TIPRL: variants seen among roughly 807,000 people sequenced by gnomAD.
TIPRL encodes the protein TIP41-like protein.
A neutral mutation model predicts 32.3 loss-of-function variants in TIPRL; 10 were observed. The observed-to-expected ratio is 0.31, with a 90% CI of 0.19 to 0.52. TIPRL has a LOEUF of 0.52. Ranked by LOEUF, TIPRL falls within the 20% of genes least tolerant of loss-of-function variation. The probability of loss-of-function intolerance (pLI) is 0.96; values close to 1 mark genes in which losing one functional copy is unlikely to be tolerated. For synonymous variants in TIPRL, 100 were observed against 114.0 expected (o/e 0.88, Z 0.78); for missense variants, 250 against 328.1 (o/e 0.76, Z 1.84).
rs1700205084 is a variant in TIPRL at position 168,201,263 on chromosome 1, C to G, written c.*1217C>G. ...TTTGAAGGGCAGGGGGAAAATTCAC[C>G]CCTTTTCTGATTTGAAATATGTTGT... is the stretch of plus-strand genomic sequence containing the variant. On this transcript the variant is annotated 3_prime_UTR_variant, in exon 7 of 7. Transcript: ENST00000367833. The G allele has an allele frequency of 6.6e-6, 1 of 151,888 alleles. No homozygotes were observed. Among genetic ancestry groups the G allele is most frequent in the East Asian group, 1.9e-4 (1 of 5,182 alleles). The allele number at this position is 151,888 out of a possible 1,614,324, so 9.4% of individuals were successfully genotyped here. A position where few individuals can be genotyped will look rare whatever the true frequency, so the allele number is the denominator to read the frequency against.
chr1:168,180,410 T>G (rs1699945301), intron 1 of TIPRL, among the ~76,000 whole-genome samples: 1 of 152,242 alleles, frequency 6.6e-6, no homozygotes, highest in Middle Eastern at 3.4e-3. Flanking sequence ...GGTCATAAAG[T>G]GAAGATGTGT....
intron 1 of TIPRL, among the ~76,000 whole-genome samples, chr1:168,181,518 C>G (rs1200944977): frequency 6.6e-6 from 1 of 151,040 alleles, no homozygotes; most frequent in Non-Finnish European, 1.5e-5. Flanking sequence ...GGCCTCCTCT[C>G]CATATAACTT....
chr1:168,197,491 C>T (rs959546409), intron 5 of TIPRL, among the ~76,000 whole-genome samples: 9 of 151,912 alleles, frequency 5.9e-5, no homozygotes, highest in African/African-American at 2.2e-4. Flanking sequence ...TATTTTTGTT[C>T]CCCAGAAAGA....
chr1:168,195,823 C>T (rs1464698493), intron 4 of TIPRL, among the ~76,000 whole-genome samples: 1 of 152,142 alleles, frequency 6.6e-6, no homozygotes, highest in Admixed American at 6.5e-5. Flanking sequence ...ATCTTTCCAC[C>T]TCAACCTTCC....
chr1:168,179,804 T>A (rs565835461), intron 1 of TIPRL, among the ~76,000 whole-genome samples: 59 of 150,698 alleles, frequency 3.9e-4, no homozygotes, highest in Non-Finnish European at 7.5e-4. Context: ...TCAGGCAGAG[T>A]GAGTTGTGAT....
chr1:168,196,883 G>A (rs1260732311), intron 5 of TIPRL, among the ~76,000 whole-genome samples: 2 of 152,094 alleles, frequency 1.3e-5, no homozygotes, highest in South Asian at 4.1e-4. Context: ...ATTGGGGAGG[G>A]GTCTTTTGAG....
chr1:168,191,253 C>T (rs1296313216), intron 3 of TIPRL, 116 bp from the exon 4 acceptor site: 1 of 880,680 alleles, frequency 1.1e-6, no homozygotes, highest in Non-Finnish European at 1.6e-6. Context: ...GAACTGTGTG[C>T]TCTGGCTATG....
chr1:168,192,189 C>T (rs1700107111), intron 4 of TIPRL: 2 of 1,481,506 alleles, frequency 1.3e-6, no homozygotes, highest in South Asian at 1.3e-5. Context: ...CATCATTCAA[C>T]TACCACTTCA....
chr1:168,195,974 A>G (rs1700148480), intron 4 of TIPRL, among the ~76,000 whole-genome samples: 1 of 152,198 alleles, frequency 6.6e-6, no homozygotes. Flanking sequence ...GATTCTGCCT[A>G]TCATTAGTAG....
rs1699931029 is a variant in TIPRL, at chr1:168,179,293, C to A, written c.104+112C>A. ...TTTTCCCTGAGGCGGAGGTTCGGTCCCTCCGGACCGGACCTTTGATTGACA... is the reference window on the plus strand; with the variant it reads ...TTTTCCCTGAGGCGGAGGTTCGGTCACTCCGGACCGGACCTTTGATTGACA... On this transcript the variant is annotated intron_variant, in intron 1 of 6. Coordinates refer to ENST00000367833, the MANE Select transcript of TIPRL (RefSeq NM_152902.5). 7 of 874,912 alleles carry A rather than the reference C, an allele frequency of 8.0e-6. No homozygotes were observed. The Admixed American group carries it at 1.6e-4, about 19-fold the overall frequency. 54.2% of individuals were successfully genotyped at this position (874,912 alleles called of 1,614,324 possible).
intron 4 of TIPRL, among the ~76,000 whole-genome samples, chr1:168,195,500 G>GACTT (rs1700142048): frequency 6.6e-6 from 1 of 152,248 alleles, no homozygotes; most frequent in Admixed American, 6.5e-5. Flanking sequence ...ATAAATCCAA[G>GACTT]ACTTACTATA....
At chr1:168,188,008 T>C (rs1220364738) in intron 3 of TIPRL, among the ~76,000 whole-genome samples, 2 of 152,122 alleles carry the variant, frequency 1.3e-5, no homozygotes, top group Admixed American at 1.3e-4. Context: ...TCTCAATAAA[T>C]GGCAGCTGTT....
At chr1:168,181,135 A>C (rs773169764) in intron 1 of TIPRL, among the ~76,000 whole-genome samples, 5 of 151,428 alleles carry the variant, frequency 3.3e-5, no homozygotes, top group Non-Finnish European at 5.9e-5. Context: ...GGCGCGTGCC[A>C]CCACGCCTGG....
rs1013357761 is a variant in TIPRL at position 168,192,180 on chromosome 1, A to G, written c.516+680A>G. 1.3e-5 allele frequency: 19 copies of G among 1,483,862 alleles called. No individual in the cohort carries two copies. In the Middle Eastern group the frequency reaches 5.2e-4, roughly 40 times the overall value. The allele number at this position is 1,483,862 out of a possible 1,614,324, so 91.9% of individuals were successfully genotyped here. A position where few individuals can be genotyped will look rare whatever the true frequency, so the allele number is the denominator to read the frequency against. On this transcript the variant is annotated intron_variant, in intron 4 of 6. Transcript: ENST00000367833. ...GATCCATGTGTTATGATTTCAGTGC[A>G]TCATTCAACTACCACTTCAATTTTC...
In TIPRL at chr1:168,179,120, T is replaced by C. The variant is rs1255865387; in HGVS notation, c.43T>C (p.Phe15Leu). 3 of 1,613,908 alleles carry C rather than the reference T, an allele frequency of 1.9e-6. No homozygotes were observed. In the East Asian group the frequency reaches 6.7e-5, roughly 36 times the overall value. The change falls in exon 1 of 7, where the codon TTC becomes CTC. Residue 15 changes from phenylalanine (F) to leucine (L), a missense_variant. Phe to Leu is a conservative substitution (Grantham distance 22). Coordinates refer to ENST00000367833, the MANE Select transcript of TIPRL (RefSeq NM_152902.5). ...CCAGAGCAGCCACCGGGATTTCTGC[T>C]TCGGGCCCTGGAAGCTGACGGCGTC... ...GFQSSHRDFC[F>L]GPWKLTASKT...
intron 4 of TIPRL, among the ~76,000 whole-genome samples, chr1:168,194,526 G>A (rs544657125): frequency 2.6e-5 from 4 of 152,260 alleles, no homozygotes; most frequent in African/African-American, 9.6e-5. Flanking sequence ...AACTAATTTT[G>A]AAATTTGAAG....
chr1:168,190,584 A>G (rs1700084570), intron 3 of TIPRL, among the ~76,000 whole-genome samples: 1 of 149,984 alleles, frequency 6.7e-6, no homozygotes, highest in African/African-American at 2.5e-5. Context: ...TTTGACAAGC[A>G]TTGTTGTGTT....
At chr1:168,191,525 T>G in intron 4 of TIPRL, 25 bp downstream of exon 4, 1 of 1,428,124 alleles carries the variant, frequency 7.0e-7, no homozygotes, top group Non-Finnish European at 9.2e-7. Flanking sequence ...TATTTAAAAT[T>G]AATATTTTTC....
chr1:168,189,300 TC>T (rs546873146), intron 3 of TIPRL, among the ~76,000 whole-genome samples: 2 of 152,208 alleles, frequency 1.3e-5, no homozygotes, highest in South Asian at 4.1e-4. Flanking sequence ...ATTGTCTTCA[TC>T]AAGAAGGTTT....
Sources: gnomAD v4.1 joint callset for allele counts (sites outside exome capture counted in the v4.1 genomes callset) on GRCh38, gnomAD v4.1.1 for gene constraint, MANE v1.5 for transcripts, NCBI Gene and HGNC (gene_info 2026-07-23, HGNC 2026-07-21) for gene names.